CSRP2: variants seen among roughly 807,000 people sequenced by gnomAD.
CSRP2 encodes the protein cysteine and glycine-rich protein 2.
CSRP2 carries 18 observed loss-of-function variants against 24.6 expected under a neutral mutation model. The observed-to-expected ratio is 0.73, with a 90% CI of 0.51 to 1.09. The LOEUF (loss-of-function observed/expected upper bound fraction) is 1.09, where lower values mean the gene tolerates loss of function less well. Among genes scored for constraint, CSRP2 ranks in the 50% least tolerant of loss-of-function variants. CSRP2 has a pLI of 0.00. For synonymous variants in CSRP2, 87 were observed against 84.3 expected (o/e 1.03, Z -0.18); for missense variants, 215 against 239.4 (o/e 0.90, Z 0.67).
At chr12:76,869,559 CACACACACACACACACACA>C (rs1953773461) in intron 1 of CSRP2, among the ~76,000 whole-genome samples, 2 of 150,950 alleles carry the variant, frequency 1.3e-5, no homozygotes, top group African/African-American at 4.9e-5. Context: ...CACACACACA[CACACACACACACACACACA>C]CCCCTGACTG....
At chr12:76,874,059 G>A (rs1020347260) in intron 1 of CSRP2, among the ~76,000 whole-genome samples, 3 of 152,206 alleles carry the variant, frequency 2.0e-5, no homozygotes, top group South Asian at 2.1e-4. Flanking sequence ...GTAAAAACAT[G>A]TGGACAAACA....
chr12:76,867,199 C>T (rs1465272232), intron 1 of CSRP2, among the ~76,000 whole-genome samples: 1 of 152,104 alleles, frequency 6.6e-6, no homozygotes, highest in Non-Finnish European at 1.5e-5. Context: ...TTTAAAATGC[C>T]TGGTTCTGGC....
chr12:76,865,374 A>G (rs1036630492), intron 2 of CSRP2, among the ~76,000 whole-genome samples: 2 of 152,184 alleles, frequency 1.3e-5, no homozygotes, highest in Non-Finnish European at 2.9e-5. Flanking sequence ...CCTATGTAGT[A>G]TTTTTATTTT....
intron 1 of CSRP2, among the ~76,000 whole-genome samples, chr12:76,869,017 A>G (rs749913683): frequency 9.9e-5 from 15 of 152,064 alleles, no homozygotes; most frequent in Non-Finnish European, 1.9e-4. Flanking sequence ...TCGTGTTGCT[A>G]TAACAGTATA....
chr12:76,861,693 C>T (rs1953680576), intron 3 of CSRP2: 1 of 152,108 alleles, frequency 6.6e-6, no homozygotes, highest in African/African-American at 2.4e-5. Flanking sequence ...GTAGTACATA[C>T]TGCAGTAGGA....
intron 1 of CSRP2, among the ~76,000 whole-genome samples, chr12:76,869,576 A>C (rs74103332): frequency 1.3e-4 from 18 of 139,136 alleles, no homozygotes; most frequent in African/African-American, 4.9e-4. Flanking sequence ...ACACACACAC[A>C]CACCCCTGAC....
chr12:76,858,905 T>A lies in CSRP2; in HGVS notation c.*47A>T. On this transcript the variant is annotated 3_prime_UTR_variant, in exon 6 of 6. Transcript: ENST00000311083. ...GTGTTAAAGATTATCTGTGCCTAGA[T>A]TATGAAGAGATTCTCAGTGTGTGAT... is the stretch of plus-strand genomic sequence containing the variant. The A allele has an allele frequency of 6.6e-7, 1 of 1,504,542 alleles. No individual in the cohort carries two copies. Among genetic ancestry groups the A allele is most frequent in the Non-Finnish European group, 9.3e-7 (1 of 1,080,416 alleles). 93.2% of individuals were successfully genotyped at this position (1,504,542 alleles called of 1,614,324 possible).
At chr12:76,860,724 T>C in intron 3 of CSRP2, 1 of 204,496 alleles carries the variant, frequency 4.9e-6, no homozygotes, top group Non-Finnish European at 9.8e-6. Context: ...ACTAAGCAAT[T>C]ATGTTACGGT....
At chr12:76,877,744 A>G (rs1204234098) in intron 1 of CSRP2, among the ~76,000 whole-genome samples, 3 of 152,200 alleles carry the variant, frequency 2.0e-5, no homozygotes, top group Non-Finnish European at 4.4e-5. Flanking sequence ...GTAGCTTGGC[A>G]TGCAGTTCTG....
In CSRP2 at chr12:76,869,531, C is replaced by CACACAT. The variant is rs1953772058; in HGVS notation, c.-1-3271_-1-3270insATGTGT. Among the ~76,000 whole-genome samples, 3 of 57,076 alleles carry CACACAT rather than the reference C, an allele frequency of 5.3e-5. No individual in the cohort carries two copies. In the South Asian group the frequency reaches 1.4e-3, roughly 26 times the overall value. The allele number at this position is 57,076 out of a possible 152,430, so 37.4% of individuals were successfully genotyped here. On this transcript the variant is annotated intron_variant, in intron 1 of 5. Transcript: ENST00000311083. ...AGCTCCTGTTCCTTAAAACAAACAA[C>CACACAT]ACACACACACACACACACACACACA...
chr12:76,876,720 T>C (rs779510466), intron 1 of CSRP2, among the ~76,000 whole-genome samples: 1 of 152,186 alleles, frequency 6.6e-6, no homozygotes, highest in Non-Finnish European at 1.5e-5. Context: ...CCTGTGAACA[T>C]CTGCACAGAG....
At chr12:76,860,467 A>G in intron 3 of CSRP2, 54 bp from the exon 4 acceptor site, 1 of 1,598,814 alleles carries the variant, frequency 6.3e-7, no homozygotes, top group Non-Finnish European at 8.5e-7. Flanking sequence ...GGCCCTTTTA[A>G]GTACACAAGG....
At chr12:76,872,211 G>GTT (rs1200901690) in intron 1 of CSRP2, among the ~76,000 whole-genome samples, 4 of 152,156 alleles carry the variant, frequency 2.6e-5, no homozygotes, top group African/African-American at 4.8e-5. Flanking sequence ...ACACCTATGT[G>GTT]CAATTTCTCC....
intron 3 of CSRP2, chr12:76,861,465 G>A (rs1354026657): frequency 6.6e-6 from 1 of 151,432 alleles, no homozygotes; most frequent in African/African-American, 2.4e-5. Context: ...GGATAAATCT[G>A]GTTTGGATTG....
At chr12:76,861,576 G>A (rs1169831678) in intron 3 of CSRP2, 4 of 152,110 alleles carry the variant, frequency 2.6e-5, no homozygotes, top group East Asian at 3.9e-4. Context: ...AAGGAGAGCA[G>A]AACAAGTAAA....
In CSRP2 at chr12:76,862,798, T is replaced by C. The variant is rs951607749; in HGVS notation, c.281+378A>G. ...AGAAGGAGTGACTTAGGAATTTTCA[T>C]TGGCTGCTTACATTGCACATGAGAA... On this transcript the variant is annotated intron_variant, in intron 3 of 5. Transcript: ENST00000311083. 5.6e-6 allele frequency: 8 copies of C among 1,436,952 alleles called. No homozygotes were observed. The African/African-American group carries it at 1.0e-4, about 18-fold the overall frequency. 89.0% of individuals were successfully genotyped at this position (1,436,952 alleles called of 1,614,324 possible). A position where few individuals can be genotyped will look rare whatever the true frequency, so the allele number is the denominator to read the frequency against.
intron 1 of CSRP2, among the ~76,000 whole-genome samples, chr12:76,869,536 ACACAC>A (rs1344949281): frequency 2.1e-5 from 2 of 94,868 alleles, no homozygotes; most frequent in African/African-American, 1.0e-4. Context: ...AACAACACAC[ACACAC>A]ACACACACAC....
At chr12:76,862,802 C>A in intron 3 of CSRP2, 1 of 1,444,222 alleles carries the variant, frequency 6.9e-7, no homozygotes, top group Non-Finnish European at 9.0e-7. Context: ...TTTTCATTGG[C>A]TGCTTACATT....
At chr12:76,861,284 A>G (rs778238110) in intron 3 of CSRP2, 3 of 151,610 alleles carry the variant, frequency 2.0e-5, no homozygotes, top group South Asian at 2.1e-4. Context: ...TGGGAGGCCA[A>G]TGTGGAAGGA....
Sources: gnomAD v4.1 joint callset for allele counts (sites outside exome capture counted in the v4.1 genomes callset) on GRCh38, gnomAD v4.1.1 for gene constraint, MANE v1.5 for transcripts, NCBI Gene and HGNC (gene_info 2026-07-23, HGNC 2026-07-21) for gene names.